Variants in IGSF9 observed in about 807,000 individuals in gnomAD.
IGSF9 encodes the protein immunoglobulin superfamily member 9, also known as protein turtle homolog A.
A neutral mutation model predicts 121.7 loss-of-function variants in IGSF9; 87 were observed. The ratio of observed to expected loss-of-function variants is 0.71; its 90% CI spans 0.60 to 0.85. The LOEUF (loss-of-function observed/expected upper bound fraction) is 0.85, where lower values mean the gene tolerates loss of function less well. Ranked by LOEUF, IGSF9 falls within the 40% of genes least tolerant of loss-of-function variation. IGSF9 has a pLI of 0.00. For missense variants in IGSF9, 1,462 were observed against 1,565.3 expected (o/e 0.93, Z 1.11); for synonymous variants, 640 against 648.4 (o/e 0.99, Z 0.20).
At position 159,929,816 on chromosome 1, in the gene IGSF9, T is replaced by C. The variant is rs1650916900; in HGVS notation, c.2150-2A>G. 2 of 1,603,106 alleles carry C rather than the reference T, an allele frequency of 1.2e-6. No individual in the cohort carries two copies. Among genetic ancestry groups the C allele is most frequent in the Non-Finnish European group, 1.7e-6 (2 of 1,175,634 alleles). ...TGCGCGAAGGGTAGACCTCCAGACC[T>C]AGGCAGGGGTCCACGAGGGAGGGTC... On this transcript the variant is annotated splice_acceptor_variant, in intron 16 of 20. Coordinates refer to ENST00000368094, the MANE Select transcript of IGSF9 (RefSeq NM_001135050.2). LOFTEE classifies it high-confidence loss of function.
At position 159,931,456 on chromosome 1, in the gene IGSF9, G is replaced by A. The variant is rs774658555; in HGVS notation, c.1510C>T (p.Leu504=). 1.4e-5 allele frequency: 22 copies of A among 1,613,294 alleles called. No homozygotes were observed. In the East Asian group the frequency reaches 4.9e-4, roughly 36 times the overall value. ...RVATSTNVYV[L]GTSPHVVTNV... ...GGCCCTCTCTCCAGCCACTAACCCA[G>A]CACGTAGACGTTCGTGGAGGTGGCC... is the stretch of plus-strand genomic sequence containing the variant. Residue 504 remains leucine, a synonymous_variant, in exon 12 of 21, where the codon CTG becomes TTG. Transcript: ENST00000368094. The surrounding 1 kb of genome is among the most constrained non-coding windows in gnomAD (Gnocchi z 4.8).
intron 19 of IGSF9, 102 bp downstream of exon 19, chr1:159,928,056 A>G (rs766529873): frequency 2.0e-4 from 293 of 1,499,978 alleles, no homozygotes; most frequent in Admixed American, 7.3e-4. Context: ...TCCCGTTCCC[A>G]GGGTGGGAGT....
Position 159,929,784 on chromosome 1 carries a change from AGCT to A in IGSF9, c.2177_2179del (p.Gln726del). 6.2e-7 allele frequency: 1 copy of A among 1,606,650 alleles called. No individual in the cohort carries two copies. The highest frequency in any genetic ancestry group is 8.5e-7 in the Non-Finnish European group (1 of 1,177,238). On this transcript the variant is annotated inframe_deletion, in exon 17 of 21. Coordinates refer to ENST00000368094, the MANE Select transcript of IGSF9 (RefSeq NM_001135050.2). ...CACGGGCTGAGGCAGGAGGCCCGGC[AGCT>A]GCGTGCGCGAAGGGTAGACCTCCAG...
chr1:159,942,577 C>T lies in IGSF9; in HGVS notation c.247+386G>A, dbSNP rs138712706. On this transcript the variant is annotated intron_variant, in intron 3 of 20. Coordinates refer to ENST00000368094, the MANE Select transcript of IGSF9 (RefSeq NM_001135050.2). ...GCAGATAGTAGAGCCAGGACCAAGGCAGGGCCAAGAGGGGAGACTACAGAT... is the reference window on the plus strand; with the variant it reads ...GCAGATAGTAGAGCCAGGACCAAGGTAGGGCCAAGAGGGGAGACTACAGAT... Among the ~76,000 whole-genome samples the T allele has an allele frequency of 3.0e-3, 458 of 152,286 alleles. 7 individuals carry two copies. The highest frequency in any genetic ancestry group is 9.5e-3 in the African/African-American group (395 of 41,554).
chr1:159,934,088 C>T lies in IGSF9; in HGVS notation c.1104+102G>A, dbSNP rs575114626. 14 of 1,294,750 alleles carry T rather than the reference C, an allele frequency of 1.1e-5. No homozygotes were observed. In the East Asian group the frequency reaches 3.1e-4, roughly 28 times the overall value. 80.2% of individuals were successfully genotyped at this position (1,294,750 alleles called of 1,614,324 possible). A position where few individuals can be genotyped will look rare whatever the true frequency, so the allele number is the denominator to read the frequency against. ...AATTAAATTCACAAAAGATGTGTGT[C>T]CCCAGTCACTGAACTGAATTAAACC... is the stretch of plus-strand genomic sequence containing the variant. On this transcript the variant is annotated intron_variant, in intron 9 of 20. Coordinates refer to ENST00000368094, the MANE Select transcript of IGSF9 (RefSeq NM_001135050.2).
In IGSF9 at chr1:159,936,526, G is replaced by A. The variant is rs780034246; in HGVS notation, c.556-10C>T. 1.9e-6 allele frequency: 3 copies of A among 1,612,874 alleles called. No homozygotes were observed. The highest frequency in any genetic ancestry group is 2.7e-5 in the African/African-American group (2 of 74,924). On this transcript the variant is annotated splice_polypyrimidine_tract_variant and intron_variant, in intron 5 of 20. Transcript: ENST00000368094. ...GCGTCCCGTTCTGCACCTAGGGAAG[G>A]AGTGGGTGAGGAAGAGTCCTTTCCC...
chr1:159,943,574 G>T lies in IGSF9; in HGVS notation c.-120C>A. 1 of 933,858 alleles carries T rather than the reference G, an allele frequency of 1.1e-6. No homozygotes were observed. The highest frequency in any genetic ancestry group is 1.5e-6 in the Non-Finnish European group (1 of 659,570). 57.8% of individuals were successfully genotyped at this position (933,858 alleles called of 1,614,324 possible). ...TTCAGCTCTCACTCTTCTGTACAGTGAGGGCTTGGCTCATGTAACACCCGA... is the reference window on the plus strand; with the variant it reads ...TTCAGCTCTCACTCTTCTGTACAGTTAGGGCTTGGCTCATGTAACACCCGA... On this transcript the variant is annotated 5_prime_UTR_variant, in exon 2 of 21. Coordinates refer to ENST00000368094, the MANE Select transcript of IGSF9 (RefSeq NM_001135050.2).
chr1:159,945,200 C>T (rs1280781753), intron 1 of IGSF9, among the ~76,000 whole-genome samples: 1 of 151,890 alleles, frequency 6.6e-6, no homozygotes, highest in African/African-American at 2.4e-5. Context: ...CTCCCCACCC[C>T]CCAGCCACTT....
chr1:159,940,471 G>A (rs1377056008), intron 3 of IGSF9, among the ~76,000 whole-genome samples: 1 of 152,228 alleles, frequency 6.6e-6, no homozygotes. Flanking sequence ...GCTAAAGCCT[G>A]TTGACTTCAG....
In IGSF9 at chr1:159,927,828, T is replaced by G; in HGVS notation, c.3290A>C (p.Glu1097Ala). ...EWDSEFPGDM[E>A]LLETLHLGLA... ...GCCCAGGTGCAAAGTCTCCAGCAAT[T>G]CCATGTCCCCAGGGAATTCTGAGTC... The change falls in exon 20 of 21, where the codon GAA becomes GCA. Residue 1097 changes from glutamate to alanine, a missense_variant. Glu to Ala is a moderately radical substitution (Grantham distance 107). Coordinates refer to ENST00000368094, the MANE Select transcript of IGSF9 (RefSeq NM_001135050.2). 6.2e-7 allele frequency: 1 copy of G among 1,613,650 alleles called. No homozygotes were observed. The highest frequency in any genetic ancestry group is 8.5e-7 in the Non-Finnish European group (1 of 1,179,900).
intron 3 of IGSF9, among the ~76,000 whole-genome samples, chr1:159,941,995 G>A (rs192006134): frequency 9.8e-5 from 15 of 152,340 alleles, no homozygotes; most frequent in East Asian, 3.9e-4. Flanking sequence ...AGCCAATCCC[G>A]GGGTTTCCCT....
chr1:159,938,348 C>T, intron 3 of IGSF9, among the ~76,000 whole-genome samples: 1 of 152,330 alleles, frequency 6.6e-6, no homozygotes, highest in South Asian at 2.1e-4. Context: ...GGGCTATTAT[C>T]AGCAGCCTAA....
intron 6 of IGSF9, 121 bp from the exon 7 acceptor site, chr1:159,934,943 G>A: frequency 8.6e-7 from 1 of 1,161,992 alleles, no homozygotes; most frequent in East Asian, 2.4e-5. Flanking sequence ...TTGTTACAGG[G>A]CTTTGGGGAG....
rs61734532 is a variant in IGSF9 at position 159,928,703 on chromosome 1, G to A, written c.2685C>T (p.Pro895=). Residue 895 remains proline, a synonymous_variant, in exon 19 of 21, where the codon CCC becomes CCT. Transcript: ENST00000368094. ...TGATGTCTTCAATGCAGAGGGGCTG[G>A]GGTGCCCCACTGGGGCTGCTGCTGC... ...DCSSSSPSGA[P]QPLCIEDISP... The A allele has an allele frequency of 4.7e-6, 7 of 1,478,034 alleles. No individual in the cohort carries two copies. Among genetic ancestry groups the A allele is most frequent in the Non-Finnish European group, 6.3e-6 (7 of 1,112,908 alleles). 91.6% of individuals were successfully genotyped at this position (1,478,034 alleles called of 1,614,324 possible).
At chr1:159,937,082 T>G (rs911725955) in intron 4 of IGSF9, among the ~76,000 whole-genome samples, 174 bp from the exon 5 acceptor site, 3 of 152,114 alleles carry the variant, frequency 2.0e-5, no homozygotes, top group East Asian at 1.9e-4. Context: ...CAAATGAGGA[T>G]TCTGTCAACC....
At chr1:159,930,964 C>T (rs542877335) in intron 13 of IGSF9, 97 bp from the exon 14 acceptor site, 1 of 1,440,400 alleles carries the variant, frequency 6.9e-7, no homozygotes, top group African/African-American at 1.4e-5. Context: ...GCTCAACCAT[C>T]CAAGGTCTCA....
At chr1:159,930,062 C>T (rs1650933911) in intron 15 of IGSF9, 87 bp from the exon 16 acceptor site, 1 of 1,553,686 alleles carries the variant, frequency 6.4e-7, no homozygotes, top group East Asian at 2.3e-5. Flanking sequence ...GCACGTGGGA[C>T]GGAAGGGTGA....
chr1:159,937,016 A>G, intron 4 of IGSF9, 108 bp from the exon 5 acceptor site: 1 of 1,130,808 alleles, frequency 8.8e-7, no homozygotes, highest in East Asian at 2.5e-5. Context: ...CCCACCCACC[A>G]GCCCTGCCTC....
Position 159,928,377 on chromosome 1 carries a change from A to T in IGSF9, c.3011T>A (p.Leu1004Gln). 6.2e-7 allele frequency: 1 copy of T among 1,609,520 alleles called. No homozygotes were observed. The highest frequency in any genetic ancestry group is 1.3e-5 in the African/African-American group (1 of 74,994). Residue 1004 changes from leucine (L) to glutamine (Q), a missense_variant, in exon 19 of 21, where the codon CTG (leucine) becomes CAG (glutamine). By Grantham distance (113) the Leu-to-Gln change is moderately radical. Coordinates refer to ENST00000368094, the MANE Select transcript of IGSF9 (RefSeq NM_001135050.2). ...AAGGCCTGGCAGCAGCCGCTCCCTCAGTGTCCAGTCAGCCAGGGCTGTGTA... is the reference window on the plus strand; with the variant it reads ...AAGGCCTGGCAGCAGCCGCTCCCTCTGTGTCCAGTCAGCCAGGGCTGTGTA... The part of the protein sequence containing the change: ...PPYTALADWT[L>Q]RERLLPGLLP...
Sources: allele counts gnomAD v4.1 joint callset (sites outside exome capture counted in the v4.1 genomes callset), GRCh38; gene constraint gnomAD v4.1.1; non-coding constraint Gnocchi (gnomAD v3.1); transcripts MANE v1.5; gene names NCBI Gene and HGNC (gene_info 2026-07-23, HGNC 2026-07-21).